Variants in MDH1 observed in about 807,000 individuals in gnomAD.
MDH1 encodes malate dehydrogenase 1.
MDH1 carries 15 observed loss-of-function variants against 38.7 expected under a neutral mutation model. That is an observed-to-expected ratio of 0.39 (90% CI 0.26 to 0.60). The LOEUF is 0.60. Ranked by LOEUF, MDH1 falls within the 20% of genes least tolerant of loss-of-function variation. MDH1 has a pLI of 0.56. For missense variants in MDH1, 368 were observed against 405.2 expected, an observed-to-expected ratio of 0.91 and a Z score of 0.79; for synonymous variants, 144 against 143.6, an observed-to-expected ratio of 1.00 and a Z score of -0.02.
At position 63,589,084 on chromosome 2, in the gene MDH1, C is replaced by G. The variant is rs767116444; in HGVS notation, c.3+38C>G. ...CCCGGGTTCCTGCCCACCTCTGGCC[C>G]TCGCGCCCTTGAGTGGGGTTTCTTG... On this transcript the variant is annotated intron_variant, in intron 1 of 8. Coordinates refer to ENST00000233114, the MANE Select transcript of MDH1 (RefSeq NM_005917.4). The G allele has an allele frequency of 4.3e-6, 7 of 1,614,148 alleles. No homozygotes were observed. The Admixed American group carries it at 1.0e-4, about 23-fold the overall frequency.
Position 63,599,250 on chromosome 2 carries a change from C to G in MDH1, c.456C>G (p.Phe152Leu). ...KSAPSIPKEN[F>L]SCLTRLDHNR... Reference sequence around the variant, plus strand: ...CTCCATCCATCCCCAAGGAGAACTTCAGTTGCTTGACTCGTTTGGATCACA... The same window carrying G: ...CTCCATCCATCCCCAAGGAGAACTTGAGTTGCTTGACTCGTTTGGATCACA... The change falls in exon 5 of 9, where the codon TTC (phenylalanine) becomes TTG (leucine). Residue 152 changes from phenylalanine (F) to leucine (L), a missense_variant. Physicochemically the swap from Phe to Leu is conservative, Grantham distance 22. Transcript: ENST00000233114. 6.2e-7 allele frequency: 1 copy of G among 1,613,720 alleles called. No individual in the cohort carries two copies. The highest frequency in any genetic ancestry group is 1.1e-5 in the South Asian group (1 of 91,052).
intron 1 of MDH1, chr2:63,593,752 T>C (rs756770861): frequency 3.9e-5 from 18 of 460,076 alleles, no homozygotes; most frequent in Non-Finnish European, 6.7e-5. Context: ...CATTATTGTT[T>C]TGTTCTTTTT....
chr2:63,592,269 G>A (rs2106598215), intron 1 of MDH1, among the ~76,000 whole-genome samples: 1 of 152,206 alleles, frequency 6.6e-6, no homozygotes, highest in Admixed American at 6.5e-5. Context: ...AGCTATAGTT[G>A]GAACTATTGT....
chr2:63,597,895 A>G (rs1709348625), intron 4 of MDH1: 1 of 166,582 alleles, frequency 6.0e-6, no homozygotes, highest in South Asian at 2.0e-4. Flanking sequence ...TTAGACATTT[A>G]AATTTGTGTG....
At chr2:63,603,745 C>T (rs1339275591) in intron 5 of MDH1, among the ~76,000 whole-genome samples, 2 of 151,432 alleles carry the variant, frequency 1.3e-5, no homozygotes, top group African/African-American at 4.9e-5. Flanking sequence ...GCAACCTCCG[C>T]CTCCCAGGTT....
chr2:63,604,936 C>A, intron 6 of MDH1, 64 bp downstream of exon 6: 1 of 1,535,332 alleles, frequency 6.5e-7, no homozygotes, highest in Non-Finnish European at 8.9e-7. Flanking sequence ...ACTCTTAGGA[C>A]AGAAAACCTT....
chr2:63,602,151 A>G (rs1209366770), intron 5 of MDH1, among the ~76,000 whole-genome samples: 4 of 152,196 alleles, frequency 2.6e-5, no homozygotes, highest in Non-Finnish European at 5.9e-5. Flanking sequence ...CACAAACATA[A>G]ATTTTTAAGT....
chr2:63,599,371 G>C, intron 5 of MDH1, 79 bp downstream of exon 5: 13 of 1,443,026 alleles, frequency 9.0e-6, no homozygotes, highest in Non-Finnish European at 1.2e-5. Context: ...AACTGAATCT[G>C]AGTTTGTGCT....
intron 4 of MDH1, chr2:63,598,087 AAT>A (rs1709352154): frequency 6.6e-6 from 1 of 152,070 alleles, no homozygotes; most frequent in African/African-American, 2.4e-5. Context: ...TTTAGATTCT[AAT>A]ATGTCTTAAT....
chr2:63,594,558 G>A lies in MDH1; in HGVS notation c.74G>A (p.Gly25Glu). Residue 25 changes from glycine to glutamate, a missense_variant, in exon 2 of 9, where the codon GGA (glycine) becomes GAA (glutamate). Coordinates refer to ENST00000233114, the MANE Select transcript of MDH1 (RefSeq NM_005917.4). The stretch of plus-strand genomic sequence containing the variant: ...GCATATTCACTGCTGTACAGTATTG[G>A]AAATGGATCTGTCTTTGGTAAAGAT... ...QIAYSLLYSI[G>E]NGSVFGKDQP... 2 of 1,613,536 alleles carry A rather than the reference G, an allele frequency of 1.2e-6. No homozygotes were observed. The highest frequency in any genetic ancestry group is 2.2e-5 in the South Asian group (2 of 91,048).
intron 3 of MDH1, among the ~76,000 whole-genome samples, chr2:63,596,683 C>A (rs1446674969): frequency 6.6e-6 from 1 of 152,164 alleles, no homozygotes; most frequent in Non-Finnish European, 1.5e-5. Flanking sequence ...TGCAACTAGC[C>A]AATTTTCCAG....
chr2:63,594,243 A>T, intron 1 of MDH1: 1 of 583,920 alleles, frequency 1.7e-6, no homozygotes, highest in Non-Finnish European at 3.3e-6. Flanking sequence ...AAAATATCCC[A>T]AAAAAGGTGG....
chr2:63,595,557 G>A (rs1253730773), intron 3 of MDH1, 38 bp downstream of exon 3: 11 of 1,266,996 alleles, frequency 8.7e-6, no homozygotes, highest in Non-Finnish European at 1.3e-5. Flanking sequence ...TATGGTATTT[G>A]ATTTCTTACA....
At chr2:63,597,660 T>G (rs1466774683) in intron 4 of MDH1, 86 bp downstream of exon 4, 1 of 1,230,050 alleles carries the variant, frequency 8.1e-7, no homozygotes, top group Admixed American at 3.4e-5. Context: ...CAAAATTATT[T>G]GCCCTTTTTT....
chr2:63,596,502 A>G (rs1364255755), intron 3 of MDH1, among the ~76,000 whole-genome samples: 1 of 152,104 alleles, frequency 6.6e-6, no homozygotes, highest in Non-Finnish European at 1.5e-5. Flanking sequence ...CTTTTTCTCT[A>G]AAGGGCCCAG....
intron 3 of MDH1, chr2:63,597,156 C>A: frequency 7.1e-6 from 3 of 423,036 alleles, no homozygotes; most frequent in South Asian, 1.0e-4. Flanking sequence ...AAGATAAAAG[C>A]TATGGAGTTT....
intron 2 of MDH1, chr2:63,594,852 T>C: frequency 5.9e-6 from 2 of 339,454 alleles, no homozygotes; most frequent in East Asian, 1.3e-4. Flanking sequence ...ATGGGAGATA[T>C]CACTAATGAC....
At chr2:63,599,148 C>G (rs1451154599) in intron 4 of MDH1, 22 bp from the exon 5 acceptor site, 1 of 1,611,402 alleles carries the variant, frequency 6.2e-7, no homozygotes, top group Non-Finnish European at 8.5e-7. Context: ...TGTAACTCTT[C>G]AGTGCCTTCC....
At chr2:63,604,149 TATAA>T (rs1213338225) in intron 5 of MDH1, among the ~76,000 whole-genome samples, 3 of 152,246 alleles carry the variant, frequency 2.0e-5, no homozygotes, top group African/African-American at 7.2e-5. Flanking sequence ...TTTCCTGATA[TATAA>T]AATGAGGACA....
Sources: gnomAD v4.1 joint callset for allele counts (sites outside exome capture counted in the v4.1 genomes callset) on GRCh38, gnomAD v4.1.1 for gene constraint, MANE v1.5 for transcripts, NCBI Gene and HGNC (gene_info 2026-07-23, HGNC 2026-07-21) for gene names.